Variants in NXPH1 observed in about 807,000 individuals in gnomAD.
NXPH1 encodes neurexophilin 1.
In NXPH1, 5 loss-of-function variants were observed where a neutral mutation model predicts 23.7. The ratio of observed to expected loss-of-function variants is 0.21; its 90% CI spans 0.11 to 0.44. The LOEUF (loss-of-function observed/expected upper bound fraction) is 0.44, where lower values mean the gene tolerates loss of function less well. Among genes scored for constraint, NXPH1 ranks in the 20% least tolerant of loss-of-function variants. The probability of loss-of-function intolerance (pLI) is 0.99; values close to 1 mark genes in which losing one functional copy is unlikely to be tolerated. For missense variants in NXPH1, 324 were observed against 321.6 expected (o/e 1.01, Z -0.06); for synonymous variants, 144 against 122.2 (o/e 1.18, Z -1.18).
chr7:8,639,677 T>C (rs897754047), intron 2 of NXPH1, among the ~76,000 whole-genome samples: 3 of 152,152 alleles, frequency 2.0e-5, no homozygotes, highest in African/African-American at 7.2e-5. Flanking sequence ...TTCCCACGTA[T>C]TGTGGGAGGG....
intron 2 of NXPH1, among the ~76,000 whole-genome samples, chr7:8,438,723 A>C (rs1381689412): frequency 6.6e-6 from 1 of 152,222 alleles, no homozygotes; most frequent in Admixed American, 6.5e-5. Context: ...ACTCTGCAGT[A>C]GGTCAATGCC....
intron 2 of NXPH1, among the ~76,000 whole-genome samples, chr7:8,636,413 T>A (rs138557475): frequency 1.3e-5 from 2 of 152,364 alleles, no homozygotes; most frequent in African/African-American, 4.8e-5. Context: ...ATGCCTCTTG[T>A]ATTTTCAAGC....
chr7:8,747,134 T>C (rs73052273), intron 2 of NXPH1, among the ~76,000 whole-genome samples: 4,873 of 152,200 alleles, frequency 0.032, 94 homozygotes, highest in Non-Finnish European at 0.051. Context: ...ATTCTTCTAT[T>C]CCCTAGAAGA....
At chr7:8,662,583 G>A (rs1746396820) in intron 2 of NXPH1, among the ~76,000 whole-genome samples, 1 of 151,856 alleles carries the variant, frequency 6.6e-6, no homozygotes, top group South Asian at 2.1e-4. Context: ...GTGAATGAAG[G>A]ACTTTCAATT....
At chr7:8,534,975 GA>G (rs1210415652) in intron 2 of NXPH1, among the ~76,000 whole-genome samples, 7 of 152,132 alleles carry the variant, frequency 4.6e-5, no homozygotes, top group Admixed American at 2.0e-4. Flanking sequence ...TAGACAAAAA[GA>G]AAAAACCCAG....
intron 2 of NXPH1, among the ~76,000 whole-genome samples, chr7:8,463,604 C>T (rs1340099350): frequency 6.6e-6 from 1 of 151,830 alleles, no homozygotes; most frequent in Non-Finnish European, 1.5e-5. Context: ...TCCTTTCCAA[C>T]TTTTTGATTA....
chr7:8,491,803 A>T (rs1488709331), intron 2 of NXPH1, among the ~76,000 whole-genome samples: 1 of 152,100 alleles, frequency 6.6e-6, no homozygotes, highest in Non-Finnish European at 1.5e-5. Context: ...ACATGAATTG[A>T]TCACATTCAG....
At chr7:8,559,848 T>C (rs911647968) in intron 2 of NXPH1, among the ~76,000 whole-genome samples, 5 of 151,752 alleles carry the variant, frequency 3.3e-5, no homozygotes, top group African/African-American at 1.2e-4. Context: ...GGGCATAGCA[T>C]ACTGGGCCAG....
At chr7:8,575,332 A>T (rs1432152247) in intron 2 of NXPH1, among the ~76,000 whole-genome samples, 2 of 152,168 alleles carry the variant, frequency 1.3e-5, no homozygotes, top group Non-Finnish European at 2.9e-5. Flanking sequence ...CTTTAAGTAC[A>T]AGCTGACAGG....
At chr7:8,462,065 T>C (rs1167525812) in intron 2 of NXPH1, among the ~76,000 whole-genome samples, 1 of 93,224 alleles carries the variant, frequency 1.1e-5, no homozygotes, top group Non-Finnish European at 1.9e-5. Context: ...CTGTCTATTT[T>C]TTGAGAGAGT....
intron 2 of NXPH1, among the ~76,000 whole-genome samples, chr7:8,512,883 C>A (rs1312311220): frequency 2.6e-5 from 4 of 152,098 alleles, no homozygotes; most frequent in Non-Finnish European, 5.9e-5. Context: ...TAACTACATT[C>A]TTAGAAACAG....
At chr7:8,527,808 T>A (rs917476066) in intron 2 of NXPH1, among the ~76,000 whole-genome samples, 3 of 152,172 alleles carry the variant, frequency 2.0e-5, no homozygotes, top group Non-Finnish European at 4.4e-5. Context: ...TAATTCAACA[T>A]GGCAAAAGGA....
intron 2 of NXPH1, among the ~76,000 whole-genome samples, chr7:8,711,845 A>G (rs1390162661): frequency 2.0e-5 from 3 of 152,204 alleles, no homozygotes; most frequent in African/African-American, 7.2e-5. Flanking sequence ...TTATAAAGCC[A>G]TTGTTGAAAG....
At position 8,617,349 on chromosome 7, in the gene NXPH1, G is replaced by T. The variant is rs904541157; in HGVS notation, c.55-133659G>T. ...AAATCAGTATATCAAAGAGATATTT[G>T]CACTCCTATGTTTGTTGCATCACTG... On this transcript the variant is annotated intron_variant, in intron 2 of 2. Coordinates refer to ENST00000405863, the MANE Select transcript of NXPH1 (RefSeq NM_152745.3). Among the ~76,000 whole-genome samples the T allele has an allele frequency of 3.3e-5, 5 of 152,194 alleles. 1 individual carries two copies. The South Asian group carries it at 1.0e-3, about 32-fold the overall frequency.
At chr7:8,515,829 C>A (rs538407750) in intron 2 of NXPH1, among the ~76,000 whole-genome samples, 1 of 152,234 alleles carries the variant, frequency 6.6e-6, no homozygotes, top group East Asian at 1.9e-4. Flanking sequence ...GCCCTCTGAG[C>A]CAAAGCAAAT....
intron 2 of NXPH1, among the ~76,000 whole-genome samples, chr7:8,490,222 C>T (rs1415490947): frequency 3.3e-5 from 5 of 152,018 alleles, no homozygotes; most frequent in Non-Finnish European, 5.9e-5. Context: ...GGGAAATTAA[C>T]CAAATCATTC....
intron 2 of NXPH1, among the ~76,000 whole-genome samples, chr7:8,499,048 A>G (rs1218803692): frequency 1.3e-5 from 2 of 152,102 alleles, no homozygotes; most frequent in African/African-American, 2.4e-5. Context: ...TACATAGTGT[A>G]AAGCCTCCTA....
intron 2 of NXPH1, among the ~76,000 whole-genome samples, chr7:8,443,469 C>G (rs914567657): frequency 1.3e-5 from 2 of 152,238 alleles, no homozygotes; most frequent in Non-Finnish European, 2.9e-5. Flanking sequence ...GAGTAAAACC[C>G]TATGGGGAGA....
At chr7:8,522,884 G>T (rs1817795910) in intron 2 of NXPH1, among the ~76,000 whole-genome samples, 1 of 152,154 alleles carries the variant, frequency 6.6e-6, no homozygotes, top group Non-Finnish European at 1.5e-5. Flanking sequence ...TACCCATGGG[G>T]CTTCCCCTTA....
Sources: allele counts gnomAD v4.1 joint callset (sites outside exome capture counted in the v4.1 genomes callset), GRCh38; gene constraint gnomAD v4.1.1; transcripts MANE v1.5; gene names NCBI Gene and HGNC (gene_info 2026-07-23, HGNC 2026-07-21).